Variants in SND1 observed in about 807,000 individuals in gnomAD.
SND1 encodes the protein staphylococcal nuclease and tudor domain containing 1.
In SND1, 38 loss-of-function variants were observed where a neutral mutation model predicts 121.7. The observed-to-expected ratio is 0.31, with a 90% CI of 0.24 to 0.41. SND1 has a LOEUF of 0.41. Ranked by LOEUF, SND1 falls within the 10% of genes least tolerant of loss-of-function variation. SND1 has a pLI of 1.00. For synonymous variants in SND1, 401 were observed against 447.4 expected (o/e 0.90, Z 1.31); for missense variants, 868 against 1,184.6 (o/e 0.73, Z 3.92).
intron 10 of SND1, among the ~76,000 whole-genome samples, chr7:127,724,308 T>C (rs1253863771): frequency 1.3e-5 from 2 of 152,156 alleles, no homozygotes; most frequent in African/African-American, 2.4e-5. Context: ...TGAAGAGATA[T>C]TAGGAATTAG....
intron 12 of SND1, among the ~76,000 whole-genome samples, chr7:127,850,980 G>T (rs1799155426): frequency 6.6e-6 from 1 of 152,184 alleles, no homozygotes. Flanking sequence ...GGAAAATATT[G>T]TTGAGTTTCA....
intron 14 of SND1, among the ~76,000 whole-genome samples, chr7:127,917,952 A>G (rs1800619585): frequency 6.6e-6 from 1 of 152,174 alleles, no homozygotes; most frequent in African/African-American, 2.4e-5. Context: ...ACTGCAGTGA[A>G]TGTTGAATGC....
intron 10 of SND1, among the ~76,000 whole-genome samples, chr7:127,731,457 A>G (rs1247826535): frequency 6.6e-6 from 1 of 152,188 alleles, no homozygotes. Flanking sequence ...CGTTTTCCTC[A>G]GGAAAACATG....
chr7:128,046,353 GGTT>G (rs934819673), intron 16 of SND1, among the ~76,000 whole-genome samples: 15 of 144,722 alleles, frequency 1.0e-4, no homozygotes, highest in Non-Finnish European at 2.1e-4. Context: ...TTTTTTTTTT[GGTT>G]GTTGTTGTGT....
chr7:128,010,771 G>A (rs1803097101), intron 16 of SND1, among the ~76,000 whole-genome samples: 1 of 152,194 alleles, frequency 6.6e-6, no homozygotes, highest in South Asian at 2.1e-4. Context: ...CCTGAAGTAT[G>A]CAGATCTCCA....
rs186483805 is a variant in SND1, at chr7:127,891,809, C to T, written c.1454+3797C>T. ...TCTTCAGCCACTTTTTAATCTTCAG[C>T]GATTGTGTACTGAACCAAGCCAGTT... On this transcript the variant is annotated intron_variant, in intron 13 of 23. Transcript: ENST00000354725. 5.2e-4 allele frequency among the ~76,000 whole-genome samples: 79 copies of T among 152,222 alleles called. 2 individuals carry two copies. The highest frequency in any genetic ancestry group is 2.4e-4 in the Non-Finnish European group (16 of 67,992).
At chr7:128,005,462 G>A (rs998387003) in intron 16 of SND1, among the ~76,000 whole-genome samples, 7 of 152,118 alleles carry the variant, frequency 4.6e-5, no homozygotes, top group Admixed American at 3.3e-4. Context: ...TCTGTAATTT[G>A]TACAGTATCG....
chr7:128,076,663 G>T (rs929773148), intron 17 of SND1, among the ~76,000 whole-genome samples: 1 of 152,206 alleles, frequency 6.6e-6, no homozygotes, highest in African/African-American at 2.4e-5. Context: ...TGCCTTACCT[G>T]TCAAGAGACA....
intron 10 of SND1, among the ~76,000 whole-genome samples, chr7:127,749,042 C>CT (rs1491284090): frequency 0.02 from 2,258 of 114,550 alleles, 33 homozygotes; most frequent in South Asian, 0.051. Flanking sequence ...TTTTTTCTTT[C>CT]GTTTTTTTTT....
intron 16 of SND1, among the ~76,000 whole-genome samples, chr7:128,019,311 C>G (rs1481344533): frequency 6.6e-6 from 1 of 152,204 alleles, no homozygotes; most frequent in African/African-American, 2.4e-5. Flanking sequence ...TTCTCTCTCC[C>G]CATCAATAGC....
chr7:127,720,371 C>G (rs1019714302), intron 9 of SND1, among the ~76,000 whole-genome samples: 3 of 152,042 alleles, frequency 2.0e-5, no homozygotes, highest in Admixed American at 6.6e-5. Flanking sequence ...GTTTTGTAGT[C>G]TGCAGCTACC....
intron 11 of SND1, among the ~76,000 whole-genome samples, chr7:127,826,282 T>C (rs1798641559): frequency 6.6e-6 from 1 of 152,366 alleles, no homozygotes. Flanking sequence ...CTTTATGTTA[T>C]TTTATTCCAT....
chr7:127,887,759 G>A (rs1377321968), intron 12 of SND1, 143 bp from the exon 13 acceptor site: 2 of 537,508 alleles, frequency 3.7e-6, no homozygotes, highest in Non-Finnish European at 6.7e-6. Context: ...TTCTAGCTTA[G>A]CAACTCATAG....
chr7:128,053,870 G>A (rs1290320259), intron 16 of SND1, among the ~76,000 whole-genome samples: 1 of 152,202 alleles, frequency 6.6e-6, no homozygotes, highest in Non-Finnish European at 1.5e-5. Flanking sequence ...TACTCCGGCA[G>A]GCTGAGCTTT....
intron 9 of SND1, among the ~76,000 whole-genome samples, chr7:127,708,890 A>C (rs907844816): frequency 6.6e-6 from 1 of 152,222 alleles, no homozygotes; most frequent in African/African-American, 2.4e-5. Flanking sequence ...TCAACTAACC[A>C]TGAGTTTAGG....
At chr7:127,713,148 A>G (rs1166434779) in intron 9 of SND1, among the ~76,000 whole-genome samples, 1 of 152,240 alleles carries the variant, frequency 6.6e-6, no homozygotes, top group Non-Finnish European at 1.5e-5. Flanking sequence ...TGTTGCAACT[A>G]CTGAACCCTG....
At chr7:127,666,972 G>T (rs906170580) in intron 1 of SND1, among the ~76,000 whole-genome samples, 3 of 152,102 alleles carry the variant, frequency 2.0e-5, no homozygotes, top group Admixed American at 6.5e-5. Flanking sequence ...CCTTAATTCA[G>T]CAATAATGGA....
chr7:127,984,889 T>C (rs961983518), intron 15 of SND1, among the ~76,000 whole-genome samples: 1 of 152,014 alleles, frequency 6.6e-6, no homozygotes, highest in East Asian at 1.9e-4. Flanking sequence ...AGATCTCCAG[T>C]GTTAATGTCA....
chr7:127,902,986 A>T (rs1037153788), intron 13 of SND1, among the ~76,000 whole-genome samples: 1 of 151,870 alleles, frequency 6.6e-6, no homozygotes, highest in African/African-American at 2.4e-5. Flanking sequence ...GGTTCAAGGA[A>T]TTCTCCTGCC....
Sources: gnomAD v4.1 joint callset for allele counts (sites outside exome capture counted in the v4.1 genomes callset) on GRCh38, gnomAD v4.1.1 for gene constraint, MANE v1.5 for transcripts, NCBI Gene and HGNC (gene_info 2026-07-23, HGNC 2026-07-21) for gene names.